Variants in COL25A1 observed in about 807,000 individuals in gnomAD.
The protein encoded by COL25A1 is collagen type XXV alpha 1 chain.
In COL25A1, 103 loss-of-function variants were observed where a neutral mutation model predicts 128.4. The ratio of observed to expected loss-of-function variants is 0.80; its 90% confidence interval spans 0.68 to 0.94. The LOEUF (loss-of-function observed/expected upper bound fraction) is 0.94, where lower values mean the gene tolerates loss of function less well. Ranked by LOEUF, COL25A1 falls within the 40% of genes least tolerant of loss-of-function variation. COL25A1 has a pLI of 0.00. For missense variants in COL25A1, 745 were observed against 840.0 expected, an observed-to-expected ratio of 0.89 and a Z score of 1.40; for synonymous variants, 279 against 277.2, an observed-to-expected ratio of 1.01 and a Z score of -0.06.
At chr4:108,964,240 T>C (rs1381508933) in intron 8 of COL25A1, among the ~76,000 whole-genome samples, 1 of 151,714 alleles carries the variant, frequency 6.6e-6, no homozygotes, top group East Asian at 1.9e-4. Flanking sequence ...GTTGGTATCA[T>C]TTTCCAGGAT....
At chr4:109,211,290 CTATATATATATATA>C (rs753994624) in intron 3 of COL25A1, among the ~76,000 whole-genome samples, 1,836 of 102,528 alleles carry the variant, frequency 0.018, 57 homozygotes, top group African/African-American at 0.048. Context: ...ATATATGAAA[CTATATATATATATA>C]TATATATATA....
rs561156783 is a variant in COL25A1, at chr4:108,963,190, T to C, written c.492+11177A>G. Among the ~76,000 whole-genome samples, 3 of 152,338 alleles carry C rather than the reference T, an allele frequency of 2.0e-5. No homozygotes were observed. In the East Asian group the frequency reaches 5.8e-4, roughly 29 times the overall value. ...TATAATCCTGCCCTCCAGTCCCTTC[T>C]GTAAATCGTGATGCACCATTAAAAT... is the stretch of plus-strand genomic sequence containing the variant. On this transcript the variant is annotated intron_variant, in intron 8 of 37. Transcript: ENST00000399132.
chr4:109,090,080 T>A (rs1179714541), intron 3 of COL25A1, among the ~76,000 whole-genome samples: 2 of 152,144 alleles, frequency 1.3e-5, no homozygotes, highest in Non-Finnish European at 2.9e-5. Flanking sequence ...TATAAACATG[T>A]AAAATGTAAT....
In COL25A1 at chr4:108,814,277, A is replaced by T. The variant is rs551174290; in HGVS notation, c.1963-348T>A. On this transcript the variant is annotated intron_variant, in intron 37 of 37. Transcript: ENST00000399132. ...TGTTTATCACATATGTACCATAATT[A>T]AATTTAATTTTGTATTTGTAACCTA... 4.6e-5 allele frequency among the ~76,000 whole-genome samples: 7 copies of T among 152,002 alleles called. No individual in the cohort carries two copies. In the East Asian group the frequency reaches 1.4e-3, roughly 29 times the overall value.
At chr4:109,200,692 T>A (rs773852127) in intron 3 of COL25A1, among the ~76,000 whole-genome samples, 14 of 152,214 alleles carry the variant, frequency 9.2e-5, no homozygotes, top group Non-Finnish European at 1.8e-4. Context: ...GCTCAAGTGA[T>A]CTGCCCACCT....
chr4:109,171,902 AC>A (rs1773625174), intron 3 of COL25A1, among the ~76,000 whole-genome samples: 4 of 152,230 alleles, frequency 2.6e-5, no homozygotes, highest in African/African-American at 9.6e-5. Context: ...TTGTTTAAAG[AC>A]CAGTCTCCAC....
chr4:108,837,031 T>C (rs1022391459), intron 31 of COL25A1, among the ~76,000 whole-genome samples: 7 of 151,226 alleles, frequency 4.6e-5, no homozygotes, highest in South Asian at 2.1e-4. Flanking sequence ...GTGAGCCAAG[T>C]TGGCACCACT....
At chr4:108,900,478 T>C (rs2125863923) in intron 14 of COL25A1, among the ~76,000 whole-genome samples, 1 of 152,322 alleles carries the variant, frequency 6.6e-6, no homozygotes, top group Non-Finnish European at 1.5e-5. Flanking sequence ...GGATGTTCAC[T>C]CATCAAAGGA....
intron 24 of COL25A1, among the ~76,000 whole-genome samples, chr4:108,856,564 T>C (rs1021318013): frequency 6.6e-6 from 1 of 152,138 alleles, no homozygotes; most frequent in Non-Finnish European, 1.5e-5. Context: ...CTCAATTCAC[T>C]AGAGCACTAT....
intron 3 of COL25A1, among the ~76,000 whole-genome samples, chr4:109,228,140 A>T (rs1033412932): frequency 1.3e-5 from 2 of 152,202 alleles, no homozygotes; most frequent in African/African-American, 4.8e-5. Flanking sequence ...TGCCATTTGG[A>T]TGGTATCCAT....
chr4:109,060,914 T>A (rs569812175), intron 3 of COL25A1, among the ~76,000 whole-genome samples: 9 of 152,180 alleles, frequency 5.9e-5, no homozygotes, highest in Admixed American at 4.6e-4. Context: ...GATGCTATAG[T>A]TTGGGTCCAT....
chr4:109,042,396 T>C (rs1174190216), intron 5 of COL25A1, among the ~76,000 whole-genome samples: 1 of 152,076 alleles, frequency 6.6e-6, no homozygotes, highest in Non-Finnish European at 1.5e-5. Flanking sequence ...ACCTGAGTTG[T>C]TCATTTGACA....
At chr4:109,135,723 G>A (rs185765730) in intron 3 of COL25A1, among the ~76,000 whole-genome samples, 18 of 152,028 alleles carry the variant, frequency 1.2e-4, no homozygotes, top group Admixed American at 3.9e-4. Context: ...AAGTCATAAA[G>A]TCATAAAGCA....
At chr4:108,995,954 A>G (rs1166980672) in intron 6 of COL25A1, among the ~76,000 whole-genome samples, 2 of 152,190 alleles carry the variant, frequency 1.3e-5, no homozygotes, top group Non-Finnish European at 2.9e-5. Flanking sequence ...GCCTTACAAA[A>G]GCTCCTGAAG....
At position 109,267,764 on chromosome 4, in the gene COL25A1, G is replaced by A. The variant is rs115666532; in HGVS notation, c.367+32819C>T. 3.5e-3 allele frequency among the ~76,000 whole-genome samples: 526 copies of A among 152,128 alleles called. 2 individuals carry two copies. Among genetic ancestry groups the A allele is most frequent in the African/African-American group, 0.012 (506 of 41,528 alleles). On this transcript the variant is annotated intron_variant, in intron 3 of 37. Transcript: ENST00000399132. ...CCAGATTAGGGAATCTCAACTGTAA[G>A]TATATAATGCAAATATTTCTAACTT...
chr4:109,019,375 C>CATATATATATATATATATATATAT (rs57842656), intron 5 of COL25A1, among the ~76,000 whole-genome samples: 708 of 48,128 alleles, frequency 0.015, 19 homozygotes, highest in Non-Finnish European at 0.02. Context: ...CACACACACA[C>CATATATATATATATATATATATAT]ATATATATAT....
intron 6 of COL25A1, among the ~76,000 whole-genome samples, chr4:108,987,361 C>T (rs1214953461): frequency 7.0e-6 from 1 of 143,502 alleles, no homozygotes; most frequent in African/African-American, 2.5e-5. Flanking sequence ...TTACAGCATA[C>T]CTTTCTTTTT....
chr4:109,129,708 T>C (rs1768984793), intron 3 of COL25A1, among the ~76,000 whole-genome samples: 1 of 152,162 alleles, frequency 6.6e-6, no homozygotes, highest in South Asian at 2.1e-4. Context: ...ATGTTAAATG[T>C]TATCTTTCTG....
intron 5 of COL25A1, among the ~76,000 whole-genome samples, chr4:109,012,503 G>C (rs114994828): frequency 1.1e-4 from 16 of 152,296 alleles, no homozygotes; most frequent in Admixed American, 3.9e-4. Context: ...CTTGGGCTGC[G>C]TGCAGCGCTC....
Sources: allele counts gnomAD v4.1 joint callset (sites outside exome capture counted in the v4.1 genomes callset), GRCh38; gene constraint gnomAD v4.1.1; transcripts MANE v1.5; gene names NCBI Gene and HGNC (gene_info 2026-07-23, HGNC 2026-07-21).